The following MROH1 variants were observed in gnomAD, a reference collection of about 807,000 sequenced individuals.
MROH1 encodes maestro heat-like repeat-containing protein family member 1.
MROH1 carries 117 observed loss-of-function variants against 116.5 expected under a neutral mutation model. The observed-to-expected ratio is 1.00, with a 90% confidence interval of 0.86 to 1.17. The LOEUF is 1.17. Ranked by LOEUF, MROH1 falls within the 50% of genes most tolerant of loss-of-function variation. MROH1 has a pLI of 0.00. For missense variants in MROH1, 1,873 were observed against 1,338.5 expected (o/e 1.40, Z -6.23); for synonymous variants, 921 against 583.9 (o/e 1.58, Z -8.32).
chr8:144,247,225 T>C (rs1842067713), intron 29 of MROH1, 76 bp from the exon 30 acceptor site: 2 of 724,470 alleles, frequency 2.8e-6, no homozygotes, highest in African/African-American at 1.7e-5. Context: ...ACTCCAGCCC[T>C]CCTCTGGGTA....
At chr8:144,252,369 T>G (rs953017032) in intron 33 of MROH1, 7 of 151,532 alleles carry the variant, frequency 4.6e-5, no homozygotes, top group African/African-American at 1.5e-4. Context: ...ACTGAAAATA[T>G]AAAAATTGGC....
chr8:144,192,703 GT>G, intron 10 of MROH1: 2 of 550,626 alleles, frequency 3.6e-6, no homozygotes, highest in Non-Finnish European at 6.7e-6. Flanking sequence ...CGCAGCTGAA[GT>G]GCCAGCTGGG....
chr8:144,167,352 G>A lies in MROH1; in HGVS notation c.23-943G>A, dbSNP rs1464497702. On this transcript the variant is annotated intron_variant, in intron 3 of 43. Transcript: ENST00000326134. ...TGTTGGGGTGGAGTGGCCGGTTGTGGGGTGGAGTGGCCAGATGTGGGGTGG... is the reference window on the plus strand; with the variant it reads ...TGTTGGGGTGGAGTGGCCGGTTGTGAGGTGGAGTGGCCAGATGTGGGGTGG... Among the ~76,000 whole-genome samples, 60 of 143,056 alleles carry A rather than the reference G, an allele frequency of 4.2e-4. 1 individual carries two copies. Among genetic ancestry groups the A allele is most frequent in the African/African-American group, 1.6e-3 (58 of 37,400 alleles). 93.9% of individuals were successfully genotyped at this position (143,056 alleles called of 152,430 possible).
At chr8:144,225,103 A>G (rs552269663) in intron 14 of MROH1, among the ~76,000 whole-genome samples, 1 of 152,246 alleles carries the variant, frequency 6.6e-6, no homozygotes, top group South Asian at 2.1e-4. Context: ...CAGTGGCACG[A>G]TAATGGCCCA....
intron 29 of MROH1, among the ~76,000 whole-genome samples, chr8:144,246,254 G>A (rs915562349): frequency 2.0e-5 from 3 of 151,416 alleles, no homozygotes; most frequent in Non-Finnish European, 4.4e-5. Context: ...GATTACAGGC[G>A]CCCACCACCA....
intron 4 of MROH1, chr8:144,175,592 T>C: frequency 5.1e-6 from 5 of 972,620 alleles, no homozygotes; most frequent in Non-Finnish European, 6.1e-6. Flanking sequence ...AAGGACTACA[T>C]TGTCTCCTAC....
rs111399486 is a variant in MROH1, at chr8:144,159,327, C to T, written c.-176-1643C>T. On this transcript the variant is annotated intron_variant, in intron 1 of 43. Transcript: ENST00000326134. ...GAGCCGAGATCCTGCCATTGTACTC[C>T]AGCCTGGGCGACAAAAGCGAAACTC... Among the ~76,000 whole-genome samples the T allele has an allele frequency of 8.1e-3, 1,232 of 152,242 alleles. 17 individuals are homozygous for T. Among genetic ancestry groups the T allele is most frequent in the African/African-American group, 0.028 (1,164 of 41,534 alleles).
intron 36 of MROH1, 94 bp from the exon 37 acceptor site, chr8:144,259,146 G>A (rs989989394): frequency 4.3e-5 from 30 of 696,074 alleles, no homozygotes; most frequent in Admixed American, 1.6e-4. Context: ...GGCAGCTGGC[G>A]GTGGAGCGGA....
At position 144,259,296 on chromosome 8, in the gene MROH1, G is replaced by GCACA; in HGVS notation, c.3991_3994dup (p.Ser1332ThrfsTer6). 1 of 715,068 alleles carries GCACA rather than the reference G, an allele frequency of 1.4e-6. No homozygotes were observed. Among genetic ancestry groups the GCACA allele is most frequent in the Admixed American group, 2.0e-5 (1 of 50,010 alleles). The allele number at this position is 715,068 out of a possible 1,614,324, so 44.3% of individuals were successfully genotyped here. Reference sequence around the variant, plus strand: ...CCCCTGGTGCTGAAGACGCTGGCATGCACACACAGCAGTGCGTATGAGAAC... The same window carrying GCACA: ...CCCCTGGTGCTGAAGACGCTGGCATGCACACACACACAGCAGTGCGTATGAGAAC... On this transcript the variant is annotated frameshift_variant, in exon 37 of 44. Transcript: ENST00000326134. LOFTEE classifies it high-confidence loss of function.
chr8:144,243,627 C>T lies in MROH1; in HGVS notation c.2475+11C>T. The T allele has an allele frequency of 1.3e-6, 1 of 778,324 alleles. No individual in the cohort carries two copies. The highest frequency in any genetic ancestry group is 2.4e-6 in the Non-Finnish European group (1 of 417,700). The allele number at this position is 778,324 out of a possible 1,614,324, so 48.2% of individuals were successfully genotyped here. A position where few individuals can be genotyped will look rare whatever the true frequency, so the allele number is the denominator to read the frequency against. On this transcript the variant is annotated intron_variant, in intron 25 of 43. Coordinates refer to ENST00000326134, the MANE Select transcript of MROH1 (RefSeq NM_032450.3). ...GTGGCACAGATGATGGTGAGCGTGG[C>T]CGTGGCCTGGCAGGTCCTCAGGCAG...
rs903861886 is a variant in MROH1 at position 144,250,237 on chromosome 8, G to A, written c.3299G>A (p.Arg1100His). Residue 1100 changes from arginine (R) to histidine (H), a missense_variant, in exon 33 of 44, where the codon CGC becomes CAC. Arg to His is a conservative substitution (Grantham distance 29). Transcript: ENST00000326134. ...EKVPEIVSVL[R>H]SKLQEAQGEH... ...GTGCCCGAGATCGTGAGCGTCCTGCGCTCCAAGCTTCAGGAGGCCCAGGGA... is the reference window on the plus strand; with the variant it reads ...GTGCCCGAGATCGTGAGCGTCCTGCACTCCAAGCTTCAGGAGGCCCAGGGA... 185 of 767,816 alleles carry A rather than the reference G, an allele frequency of 2.4e-4. No homozygotes were observed. The African/African-American group carries it at 2.8e-3, about 12-fold the overall frequency. The allele number at this position is 767,816 out of a possible 1,614,324, so 47.6% of individuals were successfully genotyped here.
intron 7 of MROH1, among the ~76,000 whole-genome samples, chr8:144,184,763 G>A (rs12547881): frequency 0.97 from 147,940 of 152,274 alleles, 72,002 homozygotes; most frequent in South Asian, 1. Context: ...TACAGAGCAC[G>A]AGTCCAGAAG....
intron 12 of MROH1, among the ~76,000 whole-genome samples, chr8:144,215,619 C>G (rs763467748): frequency 2.0e-5 from 3 of 152,322 alleles, no homozygotes; most frequent in Non-Finnish European, 4.4e-5. Context: ...CGCCTGTAAT[C>G]CCAGCACTTT....
intron 7 of MROH1, among the ~76,000 whole-genome samples, chr8:144,184,489 C>G (rs747870356): frequency 6.6e-6 from 1 of 152,160 alleles, no homozygotes; most frequent in Non-Finnish European, 1.5e-5. Flanking sequence ...ATAAAAATAG[C>G]AAGGTAAAGA....
At chr8:144,211,638 A>C (rs900503667) in intron 12 of MROH1, among the ~76,000 whole-genome samples, 4 of 151,916 alleles carry the variant, frequency 2.6e-5, no homozygotes, top group African/African-American at 9.7e-5. Flanking sequence ...GAGGCAGAGA[A>C]TCGCTTAAAC....
In MROH1 at chr8:144,168,400, C is replaced by T. The variant is rs769118455; in HGVS notation, c.128C>T (p.Thr43Met). Reference protein sequence around the residue: ...CSLGEARPVETLRACEEYLRQ... With the variant: ...CSLGEARPVEMLRACEEYLRQ... ...CTCGGGGAGGCGCGGCCGGTGGAGA[C>T]GCTCCGTGCCTGCGAGGAGTATCTG... The change falls in exon 4 of 44, where the codon ACG becomes ATG. Residue 43 changes from threonine to methionine, a missense_variant. By Grantham distance (81) the Thr-to-Met change is moderately conservative. Coordinates refer to ENST00000326134, the MANE Select transcript of MROH1 (RefSeq NM_032450.3). The T allele has an allele frequency of 9.9e-6, 16 of 1,611,282 alleles. No homozygotes were observed. Among genetic ancestry groups the T allele is most frequent in the Admixed American group, 8.4e-5 (5 of 59,858 alleles).
chr8:144,249,067 A>T (rs1842394826), intron 32 of MROH1, 38 bp downstream of exon 32: 7 of 697,534 alleles, frequency 1.0e-5, no homozygotes, highest in Non-Finnish European at 1.9e-5. Context: ...CTCCAGGAGA[A>T]GGTGGGAGAG....
intron 4 of MROH1, among the ~76,000 whole-genome samples, chr8:144,178,391 C>T (rs1824632765): frequency 6.6e-6 from 1 of 151,990 alleles, no homozygotes; most frequent in African/African-American, 2.4e-5. Context: ...CTCAGCCTCC[C>T]TAAGTGTTGA....
chr8:144,202,573 C>T (rs1588130011), intron 12 of MROH1, among the ~76,000 whole-genome samples: 1 of 102,930 alleles, frequency 9.7e-6, no homozygotes, highest in African/African-American at 3.8e-5. Flanking sequence ...GGGAGGGAAG[C>T]GCCCCCTCTG....
Sources: allele counts gnomAD v4.1 joint callset (sites outside exome capture counted in the v4.1 genomes callset), GRCh38; gene constraint gnomAD v4.1.1; transcripts MANE v1.5; gene names NCBI Gene and HGNC (gene_info 2026-07-23, HGNC 2026-07-21).